GRID1: variants seen among roughly 807,000 people sequenced by gnomAD.
GRID1 encodes the protein glutamate receptor ionotropic, delta-1.
A neutral mutation model predicts 98.0 loss-of-function variants in GRID1; 28 were observed. The observed-to-expected ratio is 0.29, with a 90% CI of 0.21 to 0.39. GRID1 has a LOEUF of 0.39. Ranked by LOEUF, GRID1 falls within the 10% of genes least tolerant of loss-of-function variation. The pLI, the probability that GRID1 is intolerant of heterozygous loss-of-function variation, is 1.00. For missense variants in GRID1, 1,111 were observed against 1,340.5 expected (o/e 0.83, Z 2.67); for synonymous variants, 553 against 538.5 (o/e 1.03, Z -0.37).
chr10:85,982,526 G>A (rs1229832132), intron 4 of GRID1, among the ~76,000 whole-genome samples: 1 of 152,120 alleles, frequency 6.6e-6, no homozygotes, highest in Non-Finnish European at 1.5e-5. Context: ...GGGTGAATGG[G>A]GAGTATTGCG....
intron 2 of GRID1, among the ~76,000 whole-genome samples, chr10:86,293,925 TAAC>T (rs1410735806): frequency 6.6e-6 from 1 of 152,106 alleles, no homozygotes; most frequent in Non-Finnish European, 1.5e-5. Context: ...GGATAAAAAA[TAAC>T]AATAAGATAA....
chr10:86,306,728 CAG>C, intron 2 of GRID1, among the ~76,000 whole-genome samples: 2 of 152,298 alleles, frequency 1.3e-5, no homozygotes, highest in East Asian at 3.9e-4. Flanking sequence ...CCTCCAGAAA[CAG>C]AGATCCAAAG....
At chr10:85,872,668 A>G (rs1843290463) in intron 5 of GRID1, among the ~76,000 whole-genome samples, 1 of 152,112 alleles carries the variant, frequency 6.6e-6, no homozygotes, top group Non-Finnish European at 1.5e-5. Context: ...CCTGCCCCCA[A>G]CTCCCTTAGT....
At chr10:85,961,360 T>A (rs1473508551) in intron 4 of GRID1, among the ~76,000 whole-genome samples, 6 of 151,942 alleles carry the variant, frequency 3.9e-5, no homozygotes, top group Non-Finnish European at 7.4e-5. Flanking sequence ...TATGAGCAGA[T>A]CCCCTGTAGA....
At chr10:86,018,306 T>C (rs1843004870) in intron 4 of GRID1, among the ~76,000 whole-genome samples, 1 of 152,192 alleles carries the variant, frequency 6.6e-6, no homozygotes, top group African/African-American at 2.4e-5. Flanking sequence ...ACACCAAAAT[T>C]GCCCAGCTTG....
intron 2 of GRID1, among the ~76,000 whole-genome samples, chr10:86,257,280 T>G (rs888074190): frequency 6.6e-6 from 1 of 152,192 alleles, no homozygotes; most frequent in Non-Finnish European, 1.5e-5. Flanking sequence ...GCCTTAGGGC[T>G]CTATCCTCAG....
At chr10:86,299,558 C>G (rs1847651648) in intron 2 of GRID1, among the ~76,000 whole-genome samples, 1 of 151,358 alleles carries the variant, frequency 6.6e-6, no homozygotes, top group African/African-American at 2.4e-5. Flanking sequence ...AGCAAACTAT[C>G]TCAAGGACAA....
intron 4 of GRID1, among the ~76,000 whole-genome samples, chr10:86,085,095 A>G (rs1844031499): frequency 6.6e-6 from 1 of 152,214 alleles, no homozygotes; most frequent in South Asian, 2.1e-4. Flanking sequence ...TCCAGGGAAG[A>G]GCATTTCAGG....
intron 5 of GRID1, among the ~76,000 whole-genome samples, chr10:85,902,783 C>T (rs915053914): frequency 2.6e-5 from 4 of 152,178 alleles, no homozygotes; most frequent in African/African-American, 9.7e-5. Flanking sequence ...GTTCTGTCCT[C>T]CCACCTTTCC....
chr10:85,726,164 T>C (rs1055970777), intron 10 of GRID1, among the ~76,000 whole-genome samples: 1 of 152,100 alleles, frequency 6.6e-6, no homozygotes, highest in South Asian at 2.1e-4. Context: ...GATGTAAATT[T>C]CATAGGAATT....
chr10:86,243,494 C>A (rs1171082528), intron 2 of GRID1, among the ~76,000 whole-genome samples: 1 of 152,172 alleles, frequency 6.6e-6, no homozygotes, highest in Non-Finnish European at 1.5e-5. Flanking sequence ...CATAACCACC[C>A]TGTGAGCTAG....
rs116767487 is a variant in GRID1, at chr10:86,361,005, C to T, written c.235+2936G>A. Among the ~76,000 whole-genome samples, 1,346 of 152,376 alleles carry T rather than the reference C, an allele frequency of 8.8e-3. 14 individuals are homozygous for T. The highest frequency in any genetic ancestry group is 0.031 in the African/African-American group (1,292 of 41,582). On this transcript the variant is annotated intron_variant, in intron 2 of 15. Transcript: ENST00000327946. Reference sequence around the variant, plus strand: ...TGCCTTTGCTCTCCATCCCTGACCACTCCGCTACTAAAAGTCTTTTTCTTT... The same window carrying T: ...TGCCTTTGCTCTCCATCCCTGACCATTCCGCTACTAAAAGTCTTTTTCTTT...
At chr10:85,786,742 TGCCCCACCCCCC>T (rs1395884549) in intron 8 of GRID1, among the ~76,000 whole-genome samples, 1 of 152,182 alleles carries the variant, frequency 6.6e-6, no homozygotes, top group African/African-American at 2.4e-5. Context: ...TAGATTAGCA[TGCCCCACCCCCC>T]GCCAGGACCC....
At chr10:86,303,650 C>T (rs1015814956) in intron 2 of GRID1, among the ~76,000 whole-genome samples, 3 of 152,374 alleles carry the variant, frequency 2.0e-5, no homozygotes, top group African/African-American at 2.4e-5. Context: ...ATGGACATCG[C>T]GTTGCCCCAC....
intron 4 of GRID1, among the ~76,000 whole-genome samples, chr10:86,119,608 C>T (rs898169097): frequency 1.7e-4 from 26 of 152,108 alleles, no homozygotes; most frequent in African/African-American, 6.0e-4. Context: ...TTCTTCCTCC[C>T]CAATTATCCC....
intron 13 of GRID1, among the ~76,000 whole-genome samples, chr10:85,635,864 G>C (rs988060674): frequency 6.6e-6 from 1 of 152,226 alleles, no homozygotes; most frequent in South Asian, 2.1e-4. Flanking sequence ...CAAGCAGTGT[G>C]GGGGAGCTGA....
rs1841615526 is a variant in GRID1, at chr10:85,916,067, G to GC, written c.780+118dup. ...TGAGTTTTTGCCTGGGCTAGGTGGA[G>GC]CCCCAGGATTCACAACAGCCCCCTA... is the stretch of plus-strand genomic sequence containing the variant. On this transcript the variant is annotated intron_variant, in intron 5 of 15. Transcript: ENST00000327946. The surrounding 1 kb of genome is among the most constrained non-coding windows in gnomAD (Gnocchi z 4.0). 2.6e-6 allele frequency: 2 copies of GC among 780,604 alleles called. No homozygotes were observed. The highest frequency in any genetic ancestry group is 4.3e-6 in the Non-Finnish European group (2 of 460,904). The allele number at this position is 780,604 out of a possible 1,614,324, so 48.4% of individuals were successfully genotyped here.
At chr10:85,711,466 C>A (rs2132636520) in intron 12 of GRID1, among the ~76,000 whole-genome samples, 1 of 151,934 alleles carries the variant, frequency 6.6e-6, no homozygotes, top group Non-Finnish European at 1.5e-5. Flanking sequence ...TGGTTTCCAG[C>A]ATCCAGAGAA....
chr10:85,908,008 A>G (rs928131129), intron 5 of GRID1, among the ~76,000 whole-genome samples: 1 of 152,216 alleles, frequency 6.6e-6, no homozygotes, highest in Admixed American at 6.5e-5. Context: ...TCACCAGTCT[A>G]GGAATGGAAG....
Sources: allele counts gnomAD v4.1 joint callset (sites outside exome capture counted in the v4.1 genomes callset), GRCh38; gene constraint gnomAD v4.1.1; non-coding constraint Gnocchi (gnomAD v3.1); transcripts MANE v1.5; gene names NCBI Gene and HGNC (gene_info 2026-07-23, HGNC 2026-07-21).